USH2A: variants seen among roughly 807,000 people sequenced by gnomAD.
The protein encoded by USH2A is usherin.
A neutral mutation model predicts 538.9 loss-of-function variants in USH2A; 443 were observed. The ratio of observed to expected loss-of-function variants is 0.82; its 90% CI spans 0.76 to 0.89. The LOEUF is 0.89. USH2A is among the 40% of genes least tolerant of loss of function. The probability of loss-of-function intolerance (pLI) is 0.00; values close to 1 mark genes in which losing one functional copy is unlikely to be tolerated. For missense variants in USH2A, 6,633 were observed against 6,324.8 expected (o/e 1.05, Z -1.65); for synonymous variants, 2,413 against 2,273.5 (o/e 1.06, Z -1.75).
intron 2 of USH2A, among the ~76,000 whole-genome samples, chr1:216,420,138 C>A (rs560836750): frequency 1.3e-5 from 2 of 151,890 alleles, no homozygotes; most frequent in Admixed American, 1.3e-4. Flanking sequence ...TTATCCCTAC[C>A]CATCAGGTCT....
rs2039691730 is a variant in USH2A at position 216,422,267 on chromosome 1, A to G, written c.70T>C (p.Tyr24His). The change falls in exon 2 of 72, where the codon TAT becomes CAT. Residue 24 changes from tyrosine to histidine, a missense_variant. Physicochemically the swap from Tyr to His is moderately conservative, Grantham distance 83. Coordinates refer to ENST00000307340, the MANE Select transcript of USH2A (RefSeq NM_206933.4). ...FQVIEMLIFAYFASISLTESR... is the reference protein window; with the variant it reads ...FQVIEMLIFAHFASISLTESR... ...TCAGTCAAGGATATTGAAGCAAAAT[A>G]GGCAAAGATCAACATTTCAATGACC... is the stretch of plus-strand genomic sequence containing the variant. 1 of 1,613,650 alleles carries G rather than the reference A, an allele frequency of 6.2e-7. No homozygotes were observed. Among genetic ancestry groups the G allele is most frequent in the African/African-American group, 1.3e-5 (1 of 74,864 alleles).
chr1:216,387,897 T>A (rs1305766915), intron 3 of USH2A, among the ~76,000 whole-genome samples: 1 of 152,110 alleles, frequency 6.6e-6, no homozygotes, highest in Non-Finnish European at 1.5e-5. Context: ...AAAATTCTGG[T>A]GTGGGAATTC....
intron 20 of USH2A, among the ~76,000 whole-genome samples, chr1:216,187,970 T>C (rs2034641606): frequency 6.6e-6 from 1 of 151,980 alleles, no homozygotes; most frequent in African/African-American, 2.4e-5. Context: ...AATAAACTCT[T>C]ATTTTTGTAA....
intron 30 of USH2A, among the ~76,000 whole-genome samples, 188 bp from the exon 31 acceptor site, chr1:216,048,835 A>C (rs1295914069): frequency 6.6e-6 from 1 of 152,180 alleles, no homozygotes; most frequent in African/African-American, 2.4e-5. Context: ...GAATGGAAGG[A>C]CTCATGAGAA....
chr1:216,190,522 T>A, intron 19 of USH2A, among the ~76,000 whole-genome samples, 155 bp from the exon 20 acceptor site: 1 of 147,244 alleles, frequency 6.8e-6, no homozygotes, highest in African/African-American at 2.5e-5. Context: ...TTCTGAAGAG[T>A]CTCGACAAGC....
intron 5 of USH2A, among the ~76,000 whole-genome samples, chr1:216,326,816 G>A (rs2037741319): frequency 6.6e-6 from 1 of 152,092 alleles, no homozygotes; most frequent in African/African-American, 2.4e-5. Flanking sequence ...ATTTATATCT[G>A]CCTTGAAGAA....
chr1:215,732,325 T>C (rs1442990553), intron 60 of USH2A, among the ~76,000 whole-genome samples: 3 of 152,136 alleles, frequency 2.0e-5, no homozygotes, highest in African/African-American at 7.2e-5. Context: ...CTTTAGAGAT[T>C]TACCATGTAA....
rs370554607 is a variant in USH2A, at chr1:216,179,057, CT to C, written c.4397-3576del. Among the ~76,000 whole-genome samples the C allele has an allele frequency of 2.1e-3, 320 of 152,140 alleles. 2 individuals are homozygous for C. Among genetic ancestry groups the C allele is most frequent in the African/African-American group, 7.1e-3 (296 of 41,540 alleles). ...TCATTGCTGTTTGAAAGCAGCCTTT[CT>C]CCAGGTCCCATTTGTTTGAAAGTTG... On this transcript the variant is annotated intron_variant, in intron 20 of 71. Transcript: ENST00000307340.
At chr1:215,794,559 G>A (rs1208640737) in intron 50 of USH2A, among the ~76,000 whole-genome samples, 1 of 152,078 alleles carries the variant, frequency 6.6e-6, no homozygotes, top group East Asian at 1.9e-4. Flanking sequence ...GCAGAGAGAG[G>A]AAAAATACAT....
intron 44 of USH2A, among the ~76,000 whole-genome samples, chr1:215,864,033 C>A (rs1445343758): frequency 2.0e-5 from 3 of 152,082 alleles, no homozygotes; most frequent in African/African-American, 7.2e-5. Context: ...CTTTTCTGGC[C>A]ACAACTGACT....
chr1:215,647,582 C>T lies in USH2A; in HGVS notation c.14731G>A (p.Ala4911Thr). 1 of 1,614,150 alleles carries T rather than the reference C, an allele frequency of 6.2e-7. No homozygotes were observed. The change falls in exon 67 of 72, where the codon GCA (alanine) becomes ACA (threonine). Residue 4911 changes from alanine (A) to threonine (T), a missense_variant. Physicochemically the swap from Ala to Thr is moderately conservative, Grantham distance 58. Transcript: ENST00000307340. ...GCCGTACTGCCCACCTCGTTGTGTG[C>T]CACCACTCTCAGCTTGTATGTGGTG... ...PYTTYKLRVVAHNEVGSTASE... is the reference protein window; with the variant it reads ...PYTTYKLRVVTHNEVGSTASE...
At chr1:216,017,199 C>T (rs573912008) in intron 32 of USH2A, among the ~76,000 whole-genome samples, 2 of 152,072 alleles carry the variant, frequency 1.3e-5, no homozygotes, top group African/African-American at 4.8e-5. Context: ...CTCTCGTGTT[C>T]TCTCTCTATC....
intron 11 of USH2A, among the ~76,000 whole-genome samples, chr1:216,270,809 A>C (rs1254705727): frequency 1.3e-5 from 2 of 152,018 alleles, no homozygotes; most frequent in African/African-American, 4.8e-5. Flanking sequence ...TCTTGGCCTT[A>C]AGCAGTCCTC....
chr1:216,285,090 G>C (rs2036855692), intron 11 of USH2A, among the ~76,000 whole-genome samples: 1 of 152,234 alleles, frequency 6.6e-6, no homozygotes, highest in Non-Finnish European at 1.5e-5. Context: ...AGAAATTCAA[G>C]TTGGCTGCAG....
At position 216,323,549 on chromosome 1, in the gene USH2A, T is replaced by C; in HGVS notation, c.1475A>G (p.Gln492Arg). ...ATQIRFHFHG[Q>R]YYTTETAVNL... ...AACAGCAGTCTCAGTTGTATAGTACTGCCCATGAAAATGAAACCTTATTTG... is the reference window on the plus strand; with the variant it reads ...AACAGCAGTCTCAGTTGTATAGTACCGCCCATGAAAATGAAACCTTATTTG... Residue 492 changes from glutamine to arginine, a missense_variant, in exon 8 of 72, where the codon CAG becomes CGG. By Grantham distance (43) the Gln-to-Arg change is conservative. Transcript: ENST00000307340. 5 of 1,613,582 alleles carry C rather than the reference T, an allele frequency of 3.1e-6. No homozygotes were observed. The highest frequency in any genetic ancestry group is 1.3e-5 in the African/African-American group (1 of 74,982).
intron 47 of USH2A, among the ~76,000 whole-genome samples, chr1:215,820,721 A>G (rs1161293192): frequency 6.6e-6 from 1 of 151,536 alleles, no homozygotes; most frequent in African/African-American, 2.4e-5. Context: ...CCATTAATCA[A>G]TCTATTCTTC....
At chr1:215,747,707 C>T (rs1198262063) in intron 58 of USH2A, among the ~76,000 whole-genome samples, 1 of 152,150 alleles carries the variant, frequency 6.6e-6, no homozygotes, top group East Asian at 1.9e-4. Context: ...ATTTGACCTT[C>T]AGCAGGAGGA....
chr1:216,189,913 T>C (rs949620780), intron 20 of USH2A, among the ~76,000 whole-genome samples: 1 of 152,010 alleles, frequency 6.6e-6, no homozygotes, highest in African/African-American at 2.4e-5. Flanking sequence ...TACATTTCTA[T>C]GTATTTCTAG....
rs538123678 is a variant in USH2A, at chr1:215,703,618, G to GA, written c.12067-23243dup. 1.2e-4 allele frequency among the ~76,000 whole-genome samples: 18 copies of GA among 152,254 alleles called. No individual in the cohort carries two copies. The South Asian group carries it at 1.9e-3, about 16-fold the overall frequency. ...GGTGGCTTTGTTCACACTGTGAGGG[G>GA]AAAACCACCTACTCAAGCCTCCATA... On this transcript the variant is annotated intron_variant, in intron 61 of 71. Coordinates refer to ENST00000307340, the MANE Select transcript of USH2A (RefSeq NM_206933.4).
Sources: allele counts gnomAD v4.1 joint callset (sites outside exome capture counted in the v4.1 genomes callset), GRCh38; gene constraint gnomAD v4.1.1; transcripts MANE v1.5; gene names NCBI Gene and HGNC (gene_info 2026-07-23, HGNC 2026-07-21).